Variants in NARS1 observed in about 807,000 individuals in gnomAD.
NARS1 encodes the protein asparagine--tRNA ligase, cytoplasmic.
A neutral mutation model predicts 79.2 loss-of-function variants in NARS1; 65 were observed. That is an observed-to-expected ratio of 0.82 (90% confidence interval 0.67 to 1.01). NARS1 has a LOEUF of 1.01. Ranked by LOEUF, NARS1 falls within the 50% of genes least tolerant of loss-of-function variation. The pLI is 0.00. For synonymous variants in NARS1, 229 were observed against 238.8 expected, an observed-to-expected ratio of 0.96 and a Z score of 0.38; for missense variants, 649 against 673.8, an observed-to-expected ratio of 0.96 and a Z score of 0.41.
At chr18:57,603,032 C>T in intron 11 of NARS1, 89 bp from the exon 12 acceptor site, 1 of 1,318,288 alleles carries the variant, frequency 7.6e-7, no homozygotes, top group Non-Finnish European at 1.1e-6. Context: ...GTCCTTCCTC[C>T]TATCAATTCA....
intron 2 of NARS1, among the ~76,000 whole-genome samples, chr18:57,619,341 G>C (rs185878335): frequency 2.5e-4 from 38 of 150,488 alleles, no homozygotes; most frequent in African/African-American, 8.1e-4. Context: ...CTTTGGGAGG[G>C]TTAATATCCT....
At chr18:57,612,990 G>A (rs1300992065) in intron 5 of NARS1, among the ~76,000 whole-genome samples, 3 of 152,074 alleles carry the variant, frequency 2.0e-5, no homozygotes, top group Non-Finnish European at 2.9e-5. Context: ...TTTACTGGAC[G>A]CATCTTCATC....
At chr18:57,618,482 G>A (rs1908156119) in intron 2 of NARS1, among the ~76,000 whole-genome samples, 1 of 152,136 alleles carries the variant, frequency 6.6e-6, no homozygotes, top group South Asian at 2.1e-4. Flanking sequence ...TGTTAACAGT[G>A]ACATTCTGTT....
In NARS1 at chr18:57,601,547, A is replaced by G. The variant is rs917872065; in HGVS notation, c.*105T>C. On this transcript the variant is annotated 3_prime_UTR_variant, in exon 14 of 14. Coordinates refer to ENST00000256854, the MANE Select transcript of NARS1 (RefSeq NM_004539.4). ...TGGTAGTAGAAAGAAAAACAGAAAG[A>G]GAAACCCCAATGAAACAAAAAAAGG... 4.2e-6 allele frequency: 5 copies of G among 1,179,496 alleles called. No individual in the cohort carries two copies. In the African/African-American group the frequency reaches 4.6e-5, roughly 11 times the overall value. 73.1% of individuals were successfully genotyped at this position (1,179,496 alleles called of 1,614,324 possible).
At position 57,605,871 on chromosome 18, in the gene NARS1, A is replaced by G; in HGVS notation, c.1237T>C (p.Tyr413His). 2 of 1,603,986 alleles carry G rather than the reference A, an allele frequency of 1.2e-6. No individual in the cohort carries two copies. The highest frequency in any genetic ancestry group is 1.7e-6 in the Non-Finnish European group (2 of 1,172,082). ...HDVKKEDGTFYEFGEDIPEAP... is the reference protein window; with the variant it reads ...HDVKKEDGTFHEFGEDIPEAP... ...GGGATACATACTTCTCCAAATTCAT[A>G]GAAAGTTCCATCTTCTTTCTTTACA... Residue 413 changes from tyrosine to histidine, a missense_variant, in exon 11 of 14, where the codon TAT becomes CAT. Transcript: ENST00000256854.
In NARS1 at chr18:57,605,850, T is replaced by C; in HGVS notation, c.1251+7A>G. 1.3e-6 allele frequency: 2 copies of C among 1,563,820 alleles called. No individual in the cohort carries two copies. Among genetic ancestry groups the C allele is most frequent in the Non-Finnish European group, 1.8e-6 (2 of 1,139,250 alleles). ...CCTTGGAAACAATGAGAGAAAGGGA[T>C]ACATACTTCTCCAAATTCATAGAAA... On this transcript the variant is annotated splice_region_variant and intron_variant, in intron 11 of 13. Coordinates refer to ENST00000256854, the MANE Select transcript of NARS1 (RefSeq NM_004539.4).
At chr18:57,618,544 A>T (rs1908158462) in intron 2 of NARS1, among the ~76,000 whole-genome samples, 1 of 152,190 alleles carries the variant, frequency 6.6e-6, no homozygotes, top group Non-Finnish European at 1.5e-5. Flanking sequence ...GTCAGTTTTC[A>T]GGAGCTGCAA....
intron 7 of NARS1, among the ~76,000 whole-genome samples, chr18:57,608,206 G>A (rs959173503): frequency 2.0e-5 from 3 of 151,956 alleles, no homozygotes; most frequent in Non-Finnish European, 2.9e-5. Context: ...GTCTGGGCAC[G>A]GTGGCTCACT....
rs528719755 is a variant in NARS1 at position 57,601,182 on chromosome 18, C to G, written c.*470G>C. The G allele has an allele frequency of 6.5e-6, 1 of 154,020 alleles. No individual in the cohort carries two copies. Among genetic ancestry groups the G allele is most frequent in the East Asian group, 1.9e-4 (1 of 5,294 alleles). 9.5% of individuals were successfully genotyped at this position (154,020 alleles called of 1,614,324 possible). The stretch of plus-strand genomic sequence containing the variant: ...GTTCTAATATGAGCAGATTTTTATA[C>G]GATATTGCCAATTTCTTCCCCCAAG... On this transcript the variant is annotated 3_prime_UTR_variant, in exon 14 of 14. Coordinates refer to ENST00000256854, the MANE Select transcript of NARS1 (RefSeq NM_004539.4).
chr18:57,601,477 A>G lies in NARS1; in HGVS notation c.*175T>C. On this transcript the variant is annotated 3_prime_UTR_variant, in exon 14 of 14. Coordinates refer to ENST00000256854, the MANE Select transcript of NARS1 (RefSeq NM_004539.4). ...AATGGATATTTTTTCTTAAGATGAC[A>G]ACCTTAATATCACTTGATGTTCAGG... is the stretch of plus-strand genomic sequence containing the variant. 1.8e-6 allele frequency: 1 copy of G among 562,370 alleles called. No homozygotes were observed. The highest frequency in any genetic ancestry group is 2.8e-6 in the Non-Finnish European group (1 of 362,938). 34.8% of individuals were successfully genotyped at this position (562,370 alleles called of 1,614,324 possible).
intron 11 of NARS1, 42 bp from the exon 12 acceptor site, chr18:57,602,985 C>A (rs758332813): frequency 1.9e-6 from 3 of 1,608,656 alleles, no homozygotes; most frequent in Admixed American, 3.4e-5. Flanking sequence ...CAACTTGGAT[C>A]GCAACAAGAC....
chr18:57,615,841 C>A lies in NARS1; in HGVS notation c.228G>T (p.Lys76Asn). 3.1e-6 allele frequency: 5 copies of A among 1,612,788 alleles called. No homozygotes were observed. The highest frequency in any genetic ancestry group is 3.4e-6 in the Non-Finnish European group (4 of 1,179,642). The change falls in exon 3 of 14, where the codon AAG becomes AAT. Residue 76 changes from lysine to asparagine, a missense_variant. Lys to Asn is a moderately conservative substitution (Grantham distance 94). Coordinates refer to ENST00000256854, the MANE Select transcript of NARS1 (RefSeq NM_004539.4). ...IKKMWHREQMKSESREKKEAE... is the reference protein window; with the variant it reads ...IKKMWHREQMNSESREKKEAE... ...CCTCTTTCTTTTCCCGGGATTCACTCTTCATTTGTTCCCTATGCCACATCT... is the reference window on the plus strand; with the variant it reads ...CCTCTTTCTTTTCCCGGGATTCACTATTCATTTGTTCCCTATGCCACATCT...
intron 10 of NARS1, 106 bp from the exon 11 acceptor site, chr18:57,606,076 T>C: frequency 1.5e-6 from 1 of 680,804 alleles, no homozygotes; most frequent in Admixed American, 2.9e-5. Flanking sequence ...CAGTGAGGTG[T>C]GGTGGCTCAT....
At position 57,615,728 on chromosome 18, in the gene NARS1, T is replaced by C. The variant is rs1446552876; in HGVS notation, c.255A>G (p.Ala85=). 6.2e-7 allele frequency: 1 copy of C among 1,611,554 alleles called. No homozygotes were observed. Among genetic ancestry groups the C allele is most frequent in the Admixed American group, 1.7e-5 (1 of 59,582 alleles). Residue 85 remains alanine (A), a splice_region_variant and synonymous_variant, in exon 4 of 14, where the codon GCA becomes GCG. Coordinates refer to ENST00000256854, the MANE Select transcript of NARS1 (RefSeq NM_004539.4). The part of the protein sequence containing the change: ...MKSESREKKE[A]EDSLRREKNL... ...TCTTTTCTCTTCGTAAACTATCTTC[T>C]GCCTAATTTTAATGATGAAGCAGTT...
chr18:57,605,410 C>T (rs1246989361), intron 11 of NARS1, among the ~76,000 whole-genome samples: 3 of 151,258 alleles, frequency 2.0e-5, no homozygotes, highest in African/African-American at 7.3e-5. Context: ...AGATCGAGAC[C>T]ATCCTGGCCA....
chr18:57,614,562 T>C (rs1434359315), intron 4 of NARS1, among the ~76,000 whole-genome samples: 1 of 152,184 alleles, frequency 6.6e-6, no homozygotes, highest in African/African-American at 2.4e-5. Flanking sequence ...TTTTCATTCA[T>C]AGTCCAGCAA....
At chr18:57,609,483 G>C (rs371501588) in intron 6 of NARS1, 40 bp from the exon 7 acceptor site, 229 of 1,534,668 alleles carry the variant, frequency 1.5e-4, no homozygotes, top group Non-Finnish European at 1.9e-4. Context: ...TATTCACATT[G>C]ATTTAAAAAT....
intron 11 of NARS1, 98 bp downstream of exon 11, chr18:57,605,759 G>GAC (rs2051549673): frequency 2.6e-6 from 2 of 771,850 alleles, no homozygotes; most frequent in Non-Finnish European, 4.2e-6. Context: ...TTTATTTGAG[G>GAC]ACAGGCAGAT....
chr18:57,620,255 T>G (rs940013298), intron 2 of NARS1, among the ~76,000 whole-genome samples: 1 of 152,080 alleles, frequency 6.6e-6, no homozygotes, highest in Non-Finnish European at 1.5e-5. Flanking sequence ...TCACTGTAAC[T>G]GAGGAAAGGT....
Sources: allele counts gnomAD v4.1 joint callset (sites outside exome capture counted in the v4.1 genomes callset), GRCh38; gene constraint gnomAD v4.1.1; transcripts MANE v1.5; gene names NCBI Gene and HGNC (gene_info 2026-07-23, HGNC 2026-07-21).